Variants in DGKZ observed in about 807,000 individuals in gnomAD.
DGKZ encodes diacylglycerol kinase zeta.
DGKZ carries 45 observed loss-of-function variants against 142.5 expected under a neutral mutation model. That is an observed-to-expected ratio of 0.32 (90% CI 0.25 to 0.40). The LOEUF (loss-of-function observed/expected upper bound fraction) is 0.40, where lower values mean the gene tolerates loss of function less well. Ranked by LOEUF, DGKZ falls within the 10% of genes least tolerant of loss-of-function variation. The probability of loss-of-function intolerance (pLI) is 1.00; values close to 1 mark genes in which losing one functional copy is unlikely to be tolerated. For synonymous variants in DGKZ, 442 were observed against 527.0 expected, an observed-to-expected ratio of 0.84 and a Z score of 2.21; for missense variants, 755 against 1,306.5, an observed-to-expected ratio of 0.58 and a Z score of 6.51.
chr11:46,366,197 C>G, intron 1 of DGKZ: 29 of 1,498,068 alleles, frequency 1.9e-5, no homozygotes, highest in Non-Finnish European at 2.6e-5. Context: ...CAGGACAGAC[C>G]GTGGCCTGAT....
At chr11:46,348,903 G>T (rs554606402) in intron 1 of DGKZ, among the ~76,000 whole-genome samples, 172 of 152,324 alleles carry the variant, frequency 1.1e-3, no homozygotes, top group Non-Finnish European at 1.7e-3. Context: ...ACCACTTGGA[G>T]TCTGCCCAAG....
intron 1 of DGKZ, chr11:46,364,919 C>T: frequency 1.0e-6 from 1 of 985,450 alleles, no homozygotes; most frequent in East Asian, 1.1e-4. Flanking sequence ...ATGCATCCCC[C>T]ACCAGTCTCT....
At chr11:46,343,717 C>T (rs1940391160), upstream of DGKZ, among the ~76,000 whole-genome samples, 1 of 152,212 alleles carries the variant, frequency 6.6e-6, no homozygotes, top group South Asian at 2.1e-4. Flanking sequence ...GCCATGCTGG[C>T]CTTTTTGCAA....
chr11:46,364,307 G>A, intron 1 of DGKZ: 1 of 1,210,652 alleles, frequency 8.3e-7, no homozygotes, highest in Non-Finnish European at 1.1e-6. Context: ...CCTTGGGGTT[G>A]CAGTTTATGA....
chr11:46,350,496 GC>G (rs1304184972), intron 1 of DGKZ, among the ~76,000 whole-genome samples: 2 of 114,030 alleles, frequency 1.8e-5, no homozygotes, highest in African/African-American at 3.2e-5. Context: ...CCCCCATCCC[GC>G]CCCCTCCCCA....
At chr11:46,375,667 G>A (rs1014921468) in intron 20 of DGKZ, 36 bp downstream of exon 20, 5 of 1,531,758 alleles carry the variant, frequency 3.3e-6, no homozygotes, top group Non-Finnish European at 4.4e-6. Context: ...TGGGTGCCAA[G>A]GCCAGACCCT....
At chr11:46,377,770 G>C (rs1944723876) in intron 25 of DGKZ, 2 of 270,610 alleles carry the variant, frequency 7.4e-6, no homozygotes, top group Non-Finnish European at 1.4e-5. Context: ...TGAGGCATCA[G>C]GTGTTTGCCA....
At chr11:46,359,579 G>A (rs1306272181) in intron 1 of DGKZ, among the ~76,000 whole-genome samples, 4 of 151,948 alleles carry the variant, frequency 2.6e-5, no homozygotes, top group East Asian at 1.9e-4. Flanking sequence ...GTTCATTGAC[G>A]TGGTTTTATA....
chr11:46,338,119 T>A (rs1940098656), intron 1 of DGKZ, among the ~76,000 whole-genome samples: 1 of 152,200 alleles, frequency 6.6e-6, no homozygotes, highest in South Asian at 2.1e-4. Context: ...TAAAACTTTA[T>A]TCATAGACAC....
At chr11:46,374,743 A>G (rs1413442588) in intron 17 of DGKZ, 23 bp from the exon 18 acceptor site, 2 of 1,612,204 alleles carry the variant, frequency 1.2e-6, no homozygotes, top group Non-Finnish European at 1.7e-6. Context: ...ATGCACCTCA[A>G]CACCCTCCCC....
At chr11:46,343,260 A>G (rs527292144), upstream of DGKZ, among the ~76,000 whole-genome samples, 4 of 152,342 alleles carry the variant, frequency 2.6e-5, no homozygotes, top group East Asian at 7.7e-4. Flanking sequence ...ACTATTAGCC[A>G]TTGTTTTATG....
intron 4 of DGKZ, 119 bp from the exon 5 acceptor site, chr11:46,369,375 C>A (rs778866191): frequency 2.4e-5 from 29 of 1,232,552 alleles, no homozygotes; most frequent in Non-Finnish European, 3.2e-5. Flanking sequence ...ACTCTCGTGA[C>A]GATTTGGGGG....
At chr11:46,375,992 G>A in intron 21 of DGKZ, 41 bp downstream of exon 21, 1 of 1,611,710 alleles carries the variant, frequency 6.2e-7, no homozygotes, top group Non-Finnish European at 8.5e-7. Context: ...GCCAGGAGGG[G>A]CTGAAGCAGC....
chr11:46,364,068 G>A (rs549442366), intron 1 of DGKZ, among the ~76,000 whole-genome samples: 1 of 152,330 alleles, frequency 6.6e-6, no homozygotes, highest in African/African-American at 2.4e-5. Context: ...GGCCTGTCAC[G>A]TAGCAGGTGT....
At position 46,365,588 on chromosome 11, in the gene DGKZ, A is replaced by G. The variant is rs1049768591; in HGVS notation, c.162-1703A>G. 3 of 985,210 alleles carry G rather than the reference A, an allele frequency of 3.0e-6. No individual in the cohort carries two copies. In the African/African-American group the frequency reaches 5.2e-5, roughly 17 times the overall value. 61.0% of individuals were successfully genotyped at this position (985,210 alleles called of 1,614,324 possible). On this transcript the variant is annotated intron_variant, in intron 1 of 30. Coordinates refer to ENST00000527911, the Ensembl canonical transcript of DGKZ. The stretch of plus-strand genomic sequence containing the variant: ...CCTGGTCTCCCCTGAGCTACACATT[A>G]GACCCTCTCTATTTCCAGGAGTCAC...
intron 20 of DGKZ, 74 bp downstream of exon 20, chr11:46,375,705 C>G (rs1489898266): frequency 1.3e-6 from 2 of 1,509,260 alleles, no homozygotes; most frequent in African/African-American, 2.8e-5. Flanking sequence ...ATTTCCCCAT[C>G]TGTAAAAGGG....
At chr11:46,376,739 G>C in intron 24 of DGKZ, 175 bp downstream of exon 24, 1 of 892,570 alleles carries the variant, frequency 1.1e-6, no homozygotes, top group Non-Finnish European at 1.7e-6. Context: ...CTCCACACTG[G>C]AGAGTATAGG....
exon 20 of DGKZ, chr11:46,375,557 C>G: frequency 6.3e-7 from 1 of 1,591,796 alleles, no homozygotes; most frequent in African/African-American, 1.3e-5. Flanking sequence ...CCTCACGCAT[C>G]CGCATCGCCC....
exon 1 of DGKZ, chr11:46,333,372 G>C (rs1356076456): frequency 1.4e-6 from 2 of 1,381,732 alleles, no homozygotes; most frequent in South Asian, 1.6e-5. Flanking sequence ...ATGCCGGCGC[G>C]GGGAGGAGGC....
Sources: gnomAD v4.1 joint callset for allele counts (sites outside exome capture counted in the v4.1 genomes callset) on GRCh38, gnomAD v4.1.1 for gene constraint, MANE v1.5 for transcripts, NCBI Gene and HGNC (gene_info 2026-07-23, HGNC 2026-07-21) for gene names.